XG: variants seen among roughly 807,000 people sequenced by gnomAD.
XG encodes glycoprotein Xg.
XG carries 24 observed loss-of-function variants against 25.7 expected under a neutral mutation model. The ratio of observed to expected loss-of-function variants is 0.93; its 90% CI spans 0.68 to 1.31. XG has a LOEUF of 1.31. Ranked by LOEUF, XG falls within the 40% of genes most tolerant of loss-of-function variation. The pLI is 0.00. For synonymous variants in XG, 77 were observed against 69.2 expected (o/e 1.11, Z -0.56); for missense variants, 181 against 187.6 (o/e 0.96, Z 0.21).
intron 7 of XG, among the ~76,000 whole-genome samples, chrX:2,800,975 C>CAAA (rs55635919): frequency 5.2e-4 from 19 of 36,368 alleles, no homozygotes; most frequent in African/African-American, 6.7e-4. Flanking sequence ...GACCCTGTCT[C>CAAA]AAAAAAAAAA....
intron 2 of XG, among the ~76,000 whole-genome samples, chrX:2,773,948 C>T (rs1234543385): frequency 6.6e-6 from 1 of 152,050 alleles, no homozygotes; most frequent in East Asian, 1.9e-4. Context: ...AACCATATGC[C>T]CCGTTTGGAG....
At chrX:2,762,171 C>A (rs1214552341) in intron 1 of XG, among the ~76,000 whole-genome samples, 1 of 152,188 alleles carries the variant, frequency 6.6e-6, no homozygotes, top group Non-Finnish European at 1.5e-5. Flanking sequence ...TTTCCTTGCA[C>A]CAAAGATGTC....
intron 4 of XG, among the ~76,000 whole-genome samples, chrX:2,784,845 T>TAAAGG: frequency 8.9e-6 from 1 of 112,380 alleles, no homozygotes; most frequent in African/African-American, 3.2e-5. Context: ...ACTGATGCCT[T>TAAAGG]TAACATGGCA....
chrX:2,794,582 C>A lies in XG; in HGVS notation c.301C>A (p.Pro101Thr), dbSNP rs1316852442. 2.5e-6 allele frequency: 3 copies of A among 1,211,503 alleles called. No homozygotes were observed. The Admixed American group carries it at 6.5e-5, about 26-fold the overall frequency. The change falls in exon 6 of 11, where the codon CCC (proline) becomes ACC (threonine). Residue 101 changes from proline (P) to threonine (T), a missense_variant. By Grantham distance (38) the Pro-to-Thr change is conservative (BLOSUM62 -1). Coordinates refer to ENST00000644266, the MANE Select transcript of XG (RefSeq NM_001141919.2). ...DRDDGRYPPR[P>T]RPRPPAGGGG... is the part of the protein sequence containing the mutation. ...TGATGACGGACGCTACCCGCCCAGG[C>A]CCAGGCCACGGCCGCCTGCAGGTAG...
chrX:2,780,708 ACT>A (rs997801624), intron 3 of XG, among the ~76,000 whole-genome samples: 7 of 140,810 alleles, frequency 5.0e-5, no homozygotes, highest in East Asian at 2.0e-4. Context: ...ACAGACCAAG[ACT>A]CTGTCTCAAA....
chrX:2,811,449 C>T lies in XG; in HGVS notation c.568C>T (p.His190Tyr). ...CAATAGGAGAAATTGTTTCAGGACC[C>T]ATGGTAAGTTTGGCTCTAAACATTG... is the stretch of plus-strand genomic sequence containing the variant. ...LNNRRNCFRTHEPENV is the reference protein window; with the variant it reads ...LNNRRNCFRTYEPENV The change falls in exon 10 of 11, where the codon CAT becomes TAT. Residue 190 changes from histidine (H) to tyrosine (Y), a missense_variant. His to Tyr is a moderately conservative substitution (Grantham distance 83, BLOSUM62 2). Coordinates refer to ENST00000644266, the MANE Select transcript of XG (RefSeq NM_001141919.2). The T allele has an allele frequency of 8.4e-7, 1 of 1,192,698 alleles. No individual in the cohort carries two copies. The highest frequency in any genetic ancestry group is 1.1e-6 in the Non-Finnish European group (1 of 884,121).
At chrX:2,757,971 CAAAAAAA>C (rs59540338) in intron 1 of XG, among the ~76,000 whole-genome samples, 15,100 of 88,100 alleles carry the variant, frequency 0.17, 1,043 homozygotes, top group East Asian at 0.46. Context: ...GACTCCATCT[CAAAAAAA>C]AAAAAAAAAA....
chrX:2,768,398 G>C (rs1195814974), intron 1 of XG, among the ~76,000 whole-genome samples: 1 of 152,186 alleles, frequency 6.6e-6, no homozygotes. Context: ...GAGGGGAGAT[G>C]TTGCACAGAT....
chrX:2,794,805 AGGCTGG>A (rs2086869113), intron 6 of XG, among the ~76,000 whole-genome samples: 1 of 112,075 alleles, frequency 8.9e-6, no homozygotes, highest in South Asian at 3.7e-4. Flanking sequence ...CCGCCTCTCC[AGGCTGG>A]GGGACTGGAT....
At chrX:2,753,725 G>C (rs1482951074) in intron 1 of XG, among the ~76,000 whole-genome samples, 2 of 151,894 alleles carry the variant, frequency 1.3e-5, no homozygotes, top group Middle Eastern at 3.2e-3. Flanking sequence ...TGGGATTATA[G>C]GTGCCCACCA....
At chrX:2,801,978 A>G (rs1005752135) in intron 7 of XG, among the ~76,000 whole-genome samples, 3 of 111,448 alleles carry the variant, frequency 2.7e-5, no homozygotes, top group African/African-American at 9.8e-5. Flanking sequence ...AAGTGCTGGG[A>G]TTACAGGCGT....
intron 3 of XG, among the ~76,000 whole-genome samples, chrX:2,775,342 C>G (rs1242568249): frequency 2.0e-5 from 3 of 152,136 alleles, no homozygotes; most frequent in Admixed American, 6.6e-5. Flanking sequence ...GGTTGAGCCT[C>G]AAAAACATTT....
chrX:2,765,129 C>CCT (rs2050651592), intron 1 of XG, among the ~76,000 whole-genome samples: 1 of 146,714 alleles, frequency 6.8e-6, no homozygotes, highest in East Asian at 2.0e-4. Context: ...GGGTGGATCA[C>CCT]GAGGTCAGGA....
intron 1 of XG, among the ~76,000 whole-genome samples, chrX:2,764,332 C>A (rs2050629277): frequency 6.6e-6 from 1 of 152,172 alleles, no homozygotes; most frequent in East Asian, 1.9e-4. Context: ...TATTCCTCTG[C>A]TTTTCTAATA....
intron 1 of XG, among the ~76,000 whole-genome samples, chrX:2,764,407 C>T (rs768421127): frequency 6.6e-6 from 1 of 152,292 alleles, no homozygotes; most frequent in African/African-American, 2.4e-5. Flanking sequence ...GAACCCTGTC[C>T]TGGGGTCTGA....
intron 3 of XG, 84 bp downstream of exon 3, chrX:2,774,823 G>T (rs188796890): frequency 1.3e-6 from 2 of 1,544,056 alleles, no homozygotes; most frequent in African/African-American, 1.4e-5. Flanking sequence ...ATGTTTTACA[G>T]AACTGTGGGG....
intron 3 of XG, 51 bp from the exon 4 acceptor site, chrX:2,782,015 A>G (rs1479929622): frequency 1.7e-6 from 2 of 1,162,072 alleles, no homozygotes; most frequent in African/African-American, 3.6e-5. Context: ...GCCTGCTCCT[A>G]AGGGAAGGAC....
chrX:2,767,152 G>A (rs140136249), intron 1 of XG, among the ~76,000 whole-genome samples: 9,131 of 152,128 alleles, frequency 0.06, 760 homozygotes, highest in African/African-American at 0.21. Context: ...AAGAATTTGG[G>A]TGGGAGGCAG....
At chrX:2,812,789 C>A (rs749689286) in intron 10 of XG, among the ~76,000 whole-genome samples, 1 of 111,649 alleles carries the variant, frequency 9.0e-6, no homozygotes, top group Admixed American at 9.6e-5. Context: ...AACATGGCAG[C>A]CATCATTAAC....
Sources: allele counts gnomAD v4.1 joint callset (sites outside exome capture counted in the v4.1 genomes callset), GRCh38; gene constraint gnomAD v4.1.1; transcripts MANE v1.5; gene names NCBI Gene and HGNC (gene_info 2026-07-23, HGNC 2026-07-21).